Variants in NOTCH2NLA observed in about 807,000 individuals in gnomAD.
The protein encoded by NOTCH2NLA is notch 2 N-terminal like A.
At chr1:146,157,510 C>G (rs1553803141) in intron 3 of NOTCH2NLA, among the ~76,000 whole-genome samples, 1 of 105,138 alleles carries the variant, frequency 9.5e-6, no homozygotes, top group East Asian at 2.6e-4. Context: ...CTCTCCCTAT[C>G]TTGGCAACTC....
intron 1 of NOTCH2NLA, among the ~76,000 whole-genome samples, chr1:146,204,030 ACTATAATAAGT>A (rs1395534488): frequency 6.6e-6 from 1 of 151,016 alleles, no homozygotes; most frequent in East Asian, 1.9e-4. Context: ...AAAGTTTTAA[ACTATAATAAGT>A]CTATAATAAA....
intron 3 of NOTCH2NLA, among the ~76,000 whole-genome samples, chr1:146,159,071 C>G (rs868973025): frequency 6.6e-6 from 1 of 152,004 alleles, no homozygotes; most frequent in Non-Finnish European, 1.5e-5. Flanking sequence ...ACAGAAAGAT[C>G]CCCGGGCCGG....
chr1:146,174,424 T>A (rs1254880962), intron 2 of NOTCH2NLA, among the ~76,000 whole-genome samples: 121 of 138,220 alleles, frequency 8.8e-4, no homozygotes, highest in Non-Finnish European at 1.1e-3. Flanking sequence ...TTTTTTTTTT[T>A]AAAACGAGGA....
At chr1:146,159,427 G>GAAAGAAAA (rs1661364548) in intron 3 of NOTCH2NLA, among the ~76,000 whole-genome samples, 1 of 149,716 alleles carries the variant, frequency 6.7e-6, no homozygotes, top group Non-Finnish European at 1.5e-5. Context: ...AAGAAAGAAA[G>GAAAGAAAA]AAAGAAAGAA....
chr1:146,158,080 T>C (rs1273824871), intron 3 of NOTCH2NLA, among the ~76,000 whole-genome samples: 10 of 150,798 alleles, frequency 6.6e-5, no homozygotes, highest in Non-Finnish European at 1.3e-4. Context: ...ACTAGTAAAT[T>C]TGGTATTCAC....
At chr1:146,180,543 T>A (rs1662497206) in intron 2 of NOTCH2NLA, among the ~76,000 whole-genome samples, 1 of 143,006 alleles carries the variant, frequency 7.0e-6, no homozygotes, top group Admixed American at 7.1e-5. Flanking sequence ...TGAAGGTCAC[T>A]GACAGTGAAT....
chr1:146,159,484 A>G (rs1290695110), intron 3 of NOTCH2NLA, among the ~76,000 whole-genome samples: 2 of 151,562 alleles, frequency 1.3e-5, no homozygotes, highest in Non-Finnish European at 2.9e-5. Context: ...AAAGAAAGAA[A>G]GAATCAACCC....
chr1:146,172,737 G>A (rs1571286807), intron 2 of NOTCH2NLA, among the ~76,000 whole-genome samples: 1 of 151,750 alleles, frequency 6.6e-6, no homozygotes, highest in African/African-American at 2.4e-5. Context: ...GTCTCCGCTG[G>A]TATGGTTCTT....
At chr1:146,186,002 A>G (rs1553810133) in intron 2 of NOTCH2NLA, among the ~76,000 whole-genome samples, 1 of 135,710 alleles carries the variant, frequency 7.4e-6, no homozygotes, top group Non-Finnish European at 1.7e-5. Context: ...ATTTTTGCAT[A>G]AAATTTTGCT....
intron 3 of NOTCH2NLA, among the ~76,000 whole-genome samples, chr1:146,159,462 A>G (rs1277493215): frequency 1.3e-4 from 19 of 151,430 alleles, no homozygotes; most frequent in African/African-American, 3.4e-4. Flanking sequence ...AGAAAGAAAG[A>G]AAGGAAGGGA....
Position 146,229,018 on chromosome 1 carries a change from G to C in NOTCH2NLA, c.-354C>G, listed in dbSNP as rs587733982. On this transcript the variant is annotated 5_prime_UTR_variant, in exon 1 of 5. Coordinates refer to ENST00000362074, the Ensembl canonical transcript of NOTCH2NLA. ...CGAAGTTTGGCTGAAACTTTCTCGG[G>C]TGTGCAGCGAAGCAGCCTCGTGTGT... 32 of 1,334,968 alleles carry C rather than the reference G, an allele frequency of 2.4e-5. No individual in the cohort carries two copies. In the African/African-American group the frequency reaches 3.4e-4, roughly 14 times the overall value. 82.7% of individuals were successfully genotyped at this position (1,334,968 alleles called of 1,614,324 possible). A position where few individuals can be genotyped will look rare whatever the true frequency, so the allele number is the denominator to read the frequency against.
At chr1:146,228,792 G>C (rs781872393) in exon 1 of NOTCH2NLA, 14 of 1,562,536 alleles carry the variant, frequency 9.0e-6, no homozygotes, top group South Asian at 2.3e-5. Flanking sequence ...CTTCTCGGTC[G>C]CCTCCTCCGC....
At chr1:146,154,006 T>TATATAC (rs1331429274), downstream of NOTCH2NLA, 1 of 91,368 alleles carries the variant, frequency 1.1e-5, no homozygotes, top group African/African-American at 4.5e-5. Context: ...CACAACGCCA[T>TATATAC]ACACACACAC....
At chr1:146,174,771 G>A (rs868992076) in intron 2 of NOTCH2NLA, among the ~76,000 whole-genome samples, 1 of 142,392 alleles carries the variant, frequency 7.0e-6, no homozygotes, top group African/African-American at 2.4e-5. Context: ...GCTCTAGAGG[G>A]GGGAGCTGTC....
At chr1:146,200,691 T>C (rs1200668868) in intron 1 of NOTCH2NLA, among the ~76,000 whole-genome samples, 2 of 128,806 alleles carry the variant, frequency 1.6e-5, no homozygotes, top group African/African-American at 3.0e-5. Context: ...TCTTTCTTTA[T>C]TGTAAATGCA....
chr1:146,180,758 C>T (rs9424698), intron 2 of NOTCH2NLA, among the ~76,000 whole-genome samples: 2,038 of 137,960 alleles, frequency 0.015, 24 homozygotes, highest in African/African-American at 0.04. Context: ...GAGAGGAGGC[C>T]TAATGAAAAC....
chr1:146,159,173 C>T (rs1342494625), intron 3 of NOTCH2NLA, among the ~76,000 whole-genome samples: 1 of 151,902 alleles, frequency 6.6e-6, no homozygotes, highest in Non-Finnish European at 1.5e-5. Flanking sequence ...GCCTGGCCAA[C>T]ACGGTGAAAC....
chr1:146,159,447 G>GAAAGAAAGAGAA (rs1437002440), intron 3 of NOTCH2NLA, among the ~76,000 whole-genome samples: 15 of 135,882 alleles, frequency 1.1e-4, no homozygotes, highest in Admixed American at 6.6e-4. Context: ...AAGAAAGAAA[G>GAAAGAAAGAGAA]AGAAAGAAAG....
At chr1:146,154,006 TACACACACACACACACACACACAC>T (rs376685172), downstream of NOTCH2NLA, 177 of 91,352 alleles carry the variant, frequency 1.9e-3, 1 homozygote, top group African/African-American at 4.7e-3. Context: ...CACAACGCCA[TACACACACACACACACACACACAC>T]ACACACACAC....
Sources: allele counts gnomAD v4.1 joint callset (sites outside exome capture counted in the v4.1 genomes callset), GRCh38; gene constraint gnomAD v4.1.1; transcripts MANE v1.5; gene names NCBI Gene and HGNC (gene_info 2026-07-23, HGNC 2026-07-21).